ZNF267: variants seen among roughly 807,000 people sequenced by gnomAD.
ZNF267 encodes zinc finger (C2H2).
ZNF267 carries 61 observed loss-of-function variants against 71.6 expected under a neutral mutation model. That is an observed-to-expected ratio of 0.85 (90% CI 0.69 to 1.05). The LOEUF is 1.05. Among genes scored for constraint, ZNF267 ranks in the 50% least tolerant of loss-of-function variants. The pLI is 0.00. For synonymous variants in ZNF267, 288 were observed against 293.2 expected (o/e 0.98, Z 0.18); for missense variants, 852 against 870.0 (o/e 0.98, Z 0.26).
chr16:31,909,126 T>C (rs1195382260), intron 3 of ZNF267, among the ~76,000 whole-genome samples: 46 of 123,054 alleles, frequency 3.7e-4, no homozygotes, highest in East Asian at 3.4e-3. Context: ...TTTTCTTTTT[T>C]TTTTTTTTTT....
chr16:31,883,030 A>G lies in ZNF267; in HGVS notation c.4-1468A>G, dbSNP rs1339299225. ...TTGACAGGAGATAACAGCTTTTAAG[A>G]CTGGAAGTTCTGAAGCAGGTCTCAG... On this transcript the variant is annotated intron_variant, in intron 1 of 3. Coordinates refer to ENST00000300870, the MANE Select transcript of ZNF267 (RefSeq NM_003414.6). Among the ~76,000 whole-genome samples, 6 of 152,298 alleles carry G rather than the reference A, an allele frequency of 3.9e-5. No individual in the cohort carries two copies. The East Asian group carries it at 9.6e-4, about 24-fold the overall frequency.
chr16:31,886,688 T>C (rs2083926720), intron 3 of ZNF267, among the ~76,000 whole-genome samples: 1 of 152,224 alleles, frequency 6.6e-6, no homozygotes. Context: ...TATTCAGAAT[T>C]TATCTTGTAA....
At chr16:31,896,894 A>T (rs887449166) in intron 3 of ZNF267, among the ~76,000 whole-genome samples, 2 of 152,062 alleles carry the variant, frequency 1.3e-5, no homozygotes, top group Non-Finnish European at 2.9e-5. Context: ...TATCTTTTCA[A>T]TCTATGAACA....
At chr16:31,888,447 A>G (rs1161683469) in intron 3 of ZNF267, among the ~76,000 whole-genome samples, 1 of 151,960 alleles carries the variant, frequency 6.6e-6, no homozygotes, top group Non-Finnish European at 1.5e-5. Flanking sequence ...CTTGTTTCTG[A>G]TACTAGAGGA....
intron 3 of ZNF267, among the ~76,000 whole-genome samples, chr16:31,900,757 CT>C (rs35863544): frequency 2.0e-3 from 258 of 129,706 alleles, no homozygotes; most frequent in East Asian, 5.9e-3. Context: ...AGAATTCTTT[CT>C]TTTTTTTTTT....
Position 31,915,140 on chromosome 16 carries a change from T to C in ZNF267, c.891T>C (p.Tyr297=). Residue 297 remains tyrosine (Y), a synonymous_variant, in exon 4 of 4, where the codon TAT becomes TAC. Coordinates refer to ENST00000300870, the MANE Select transcript of ZNF267 (RefSeq NM_003414.6). The part of the protein sequence containing the change: ...TIHIRENSYS[Y]NKYDKDLSQS... ...ATATCAGAGAAAACTCATATAGCTA[T>C]AACAAATATGATAAAGATCTTAGTC... 6.2e-7 allele frequency: 1 copy of C among 1,613,112 alleles called. No individual in the cohort carries two copies. The highest frequency in any genetic ancestry group is 8.5e-7 in the Non-Finnish European group (1 of 1,179,670).
At chr16:31,890,460 G>T (rs2083952784) in intron 3 of ZNF267, among the ~76,000 whole-genome samples, 1 of 152,100 alleles carries the variant, frequency 6.6e-6, no homozygotes. Context: ...ATGCACTGTG[G>T]TTTCTATTCT....
chr16:31,907,134 C>T (rs542713326), intron 3 of ZNF267, among the ~76,000 whole-genome samples: 1 of 152,046 alleles, frequency 6.6e-6, no homozygotes, highest in East Asian at 1.9e-4. Context: ...CTTCAAGATT[C>T]TCTTTGTCAC....
Position 31,915,313 on chromosome 16 carries a change from G to T in ZNF267, c.1064G>T (p.Cys355Phe), listed in dbSNP as rs1263278876. 1 of 1,613,928 alleles carries T rather than the reference G, an allele frequency of 6.2e-7. No homozygotes were observed. The highest frequency in any genetic ancestry group is 1.1e-5 in the South Asian group (1 of 91,074). Residue 355 changes from cysteine (C) to phenylalanine (F), a missense_variant, in exon 4 of 4, where the codon TGT (cysteine) becomes TTT (phenylalanine). Coordinates refer to ENST00000300870, the MANE Select transcript of ZNF267 (RefSeq NM_003414.6). Reference sequence around the variant, plus strand: ...GAGAAACCCTGTAAATGGAAAGAATGTGGCAAGGTCTTTAACCTTAACTGT... The same window carrying T: ...GAGAAACCCTGTAAATGGAAAGAATTTGGCAAGGTCTTTAACCTTAACTGT... ...TEEKPCKWKE[C>F]GKVFNLNCSL...
intron 3 of ZNF267, among the ~76,000 whole-genome samples, chr16:31,901,452 T>G (rs2084040622): frequency 6.6e-6 from 1 of 152,202 alleles, no homozygotes; most frequent in African/African-American, 2.4e-5. Context: ...CCACATCCTC[T>G]CCAGCACTTG....
In ZNF267 at chr16:31,917,147, TTC is replaced by T. The variant is rs1290719013; in HGVS notation, c.*668_*669del. 2 of 152,150 alleles carry T rather than the reference TTC, an allele frequency of 1.3e-5. No individual in the cohort carries two copies. The highest frequency in any genetic ancestry group is 4.8e-5 in the African/African-American group (2 of 41,426). The allele number at this position is 152,150 out of a possible 1,614,324, so 9.4% of individuals were successfully genotyped here. A position where few individuals can be genotyped will look rare whatever the true frequency, so the allele number is the denominator to read the frequency against. ...CGTGGTGTTCATGTGAAAATATGTG[TTC>T]TGTTTTTTTTTCTGCATCAGAACAA... On this transcript the variant is annotated 3_prime_UTR_variant, in exon 4 of 4. Coordinates refer to ENST00000300870, the MANE Select transcript of ZNF267 (RefSeq NM_003414.6).
At chr16:31,876,547 A>T (rs1479776392) in intron 1 of ZNF267, among the ~76,000 whole-genome samples, 2 of 152,222 alleles carry the variant, frequency 1.3e-5, no homozygotes, top group Non-Finnish European at 2.9e-5. Flanking sequence ...TGCTGAACGT[A>T]GCACTGGCTA....
At chr16:31,895,599 CATTCCT>C (rs945079239) in intron 3 of ZNF267, among the ~76,000 whole-genome samples, 5 of 152,148 alleles carry the variant, frequency 3.3e-5, no homozygotes, top group Non-Finnish European at 5.9e-5. Context: ...AGTGTTTATA[CATTCCT>C]ATTCTTCACC....
intron 3 of ZNF267, among the ~76,000 whole-genome samples, chr16:31,900,797 TTTTA>T (rs1186784980): frequency 0.017 from 2,583 of 149,798 alleles, 74 homozygotes; most frequent in African/African-American, 0.06. Flanking sequence ...ATTTTTATTT[TTTTA>T]TTTATTTTAT....
rs974979788 is a variant in ZNF267, at chr16:31,916,244, T to C, written c.1995T>C (p.Cys665=). 2.0e-5 allele frequency: 32 copies of C among 1,614,002 alleles called. No homozygotes were observed. Among genetic ancestry groups the C allele is most frequent in the African/African-American group, 2.7e-5 (2 of 74,908 alleles). The change falls in exon 4 of 4, where the codon TGT becomes TGC. Residue 665 remains cysteine, a synonymous_variant. Coordinates refer to ENST00000300870, the MANE Select transcript of ZNF267 (RefSeq NM_003414.6). ...TGERPYKCEE[C]GKAFNSRSYL... Reference sequence around the variant, plus strand: ...AGAGACCCTACAAATGTGAAGAATGTGGCAAAGCCTTCAACTCTAGGTCAT... The same window carrying C: ...AGAGACCCTACAAATGTGAAGAATGCGGCAAAGCCTTCAACTCTAGGTCAT...
intron 3 of ZNF267, among the ~76,000 whole-genome samples, chr16:31,908,054 AT>A (rs1052284184): frequency 7.9e-5 from 12 of 152,026 alleles, no homozygotes; most frequent in South Asian, 6.2e-4. Context: ...AAAAAAAAAA[AT>A]AATACTAATA....
chr16:31,874,901 T>C (rs1388686770), intron 1 of ZNF267, among the ~76,000 whole-genome samples: 1 of 152,192 alleles, frequency 6.6e-6, no homozygotes, highest in South Asian at 2.1e-4. Flanking sequence ...TAACTATTGG[T>C]CATTTATTGT....
At chr16:31,880,145 T>C (rs917633139) in intron 1 of ZNF267, among the ~76,000 whole-genome samples, 1 of 152,226 alleles carries the variant, frequency 6.6e-6, no homozygotes, top group African/African-American at 2.4e-5. Flanking sequence ...TCAGGATATA[T>C]AGAAAATCCA....
At position 31,873,950 on chromosome 16, in the gene ZNF267, A is replaced by G; in HGVS notation, c.-17A>G. On this transcript the variant is annotated 5_prime_UTR_variant, in exon 1 of 4. Coordinates refer to ENST00000300870, the MANE Select transcript of ZNF267 (RefSeq NM_003414.6). ...AGATTCGTAGCTAAGACGCCAGGGC[A>G]TCCCGGAAGCTGGGAAATGGTGAGT... is the stretch of plus-strand genomic sequence containing the variant. The G allele has an allele frequency of 6.2e-7, 1 of 1,613,630 alleles. No homozygotes were observed. The highest frequency in any genetic ancestry group is 8.5e-7 in the Non-Finnish European group (1 of 1,179,672).
Sources: gnomAD v4.1 joint callset for allele counts (sites outside exome capture counted in the v4.1 genomes callset) on GRCh38, gnomAD v4.1.1 for gene constraint, MANE v1.5 for transcripts, NCBI Gene and HGNC (gene_info 2026-07-23, HGNC 2026-07-21) for gene names.